ADAMTSL1: variants seen among roughly 807,000 people sequenced by gnomAD.
The protein encoded by ADAMTSL1 is ADAMTS-like protein 1.
A neutral mutation model predicts 201.8 loss-of-function variants in ADAMTSL1; 126 were observed. The ratio of observed to expected loss-of-function variants is 0.62; its 90% CI spans 0.54 to 0.72. The LOEUF (loss-of-function observed/expected upper bound fraction) is 0.72, where lower values mean the gene tolerates loss of function less well. Among genes scored for constraint, ADAMTSL1 ranks in the 30% least tolerant of loss-of-function variants. The pLI, the probability that ADAMTSL1 is intolerant of heterozygous loss-of-function variation, is 0.00. For synonymous variants in ADAMTSL1, 1,121 were observed against 903.4 expected (o/e 1.24, Z -4.32); for missense variants, 2,679 against 2,277.8 (o/e 1.18, Z -3.59).
intron 1 of ADAMTSL1, among the ~76,000 whole-genome samples, chr9:18,059,119 C>T (rs1822332884): frequency 6.6e-6 from 1 of 152,144 alleles, no homozygotes; most frequent in Non-Finnish European, 1.5e-5. Flanking sequence ...CCCAGTTTTC[C>T]ATCAAATTCT....
rs150228694 is a variant in ADAMTSL1, at chr9:18,881,899, GAGGAATAGC to G, written c.4250-5928_4250-5920del. On this transcript the variant is annotated intron_variant, in intron 23 of 28. Coordinates refer to ENST00000380548, the MANE Select transcript of ADAMTSL1 (RefSeq NM_001040272.6). Reference sequence around the variant, plus strand: ...ATCTCTACCCTATTCTCATCTGCACGAGGAATAGCAGGCTGGGAGGCCCTGGGAACAAGA... The same window carrying G: ...ATCTCTACCCTATTCTCATCTGCACGAGGCTGGGAGGCCCTGGGAACAAGA... Among the ~76,000 whole-genome samples, 5 of 152,284 alleles carry G rather than the reference GAGGAATAGC, an allele frequency of 3.3e-5. No individual in the cohort carries two copies. In the East Asian group the frequency reaches 9.6e-4, roughly 29 times the overall value.
chr9:18,280,001 G>T (rs1009052320), intron 2 of ADAMTSL1, among the ~76,000 whole-genome samples: 5 of 152,138 alleles, frequency 3.3e-5, no homozygotes, highest in Non-Finnish European at 2.9e-5. Context: ...TGTTCCATGG[G>T]GCCTGACCTG....
rs1312563951 is a variant in ADAMTSL1, at chr9:18,828,659, TTTATATATATATATATATA to T, written c.4115-1182_4115-1164del. 5.2e-4 allele frequency among the ~76,000 whole-genome samples: 9 copies of T among 17,348 alleles called. No homozygotes were observed. The East Asian group carries it at 0.024, about 47-fold the overall frequency. 11.4% of individuals were successfully genotyped at this position (17,348 alleles called of 152,430 possible). On this transcript the variant is annotated intron_variant, in intron 22 of 28. Coordinates refer to ENST00000380548, the MANE Select transcript of ADAMTSL1 (RefSeq NM_001040272.6). ...TGAAAAGGATTCTTTTGAAAGTATA[TTTATATATATATATATATA>T]TATATATATATATATAAAATGTGTG...
chr9:18,228,477 A>G (rs988080834), intron 2 of ADAMTSL1, among the ~76,000 whole-genome samples: 5 of 152,234 alleles, frequency 3.3e-5, no homozygotes, highest in African/African-American at 9.6e-5. Context: ...TTTAAGTGCA[A>G]TGGCAAGATC....
At chr9:18,073,554 C>A (rs1823058424) in intron 1 of ADAMTSL1, among the ~76,000 whole-genome samples, 1 of 152,262 alleles carries the variant, frequency 6.6e-6, no homozygotes, top group East Asian at 1.9e-4. Flanking sequence ...TGTGTATGTG[C>A]AGAAGCAACA....
chr9:18,005,241 G>A (rs957524966), intron 1 of ADAMTSL1, among the ~76,000 whole-genome samples: 2 of 152,054 alleles, frequency 1.3e-5, no homozygotes, highest in African/African-American at 4.8e-5. Context: ...CTATAGGGAA[G>A]AATGAGTGGC....
At chr9:18,790,674 G>A (rs372293160) in intron 19 of ADAMTSL1, among the ~76,000 whole-genome samples, 7 of 152,110 alleles carry the variant, frequency 4.6e-5, no homozygotes, top group Admixed American at 6.5e-5. Flanking sequence ...GCACCCTCTC[G>A]GCTGGTCCTT....
At chr9:18,396,259 T>TTC in intron 2 of ADAMTSL1, among the ~76,000 whole-genome samples, 1 of 152,132 alleles carries the variant, frequency 6.6e-6, no homozygotes, top group Non-Finnish European at 1.5e-5. Context: ...AATATGGAAG[T>TTC]AGTCAGAAGG....
At chr9:18,015,693 T>A (rs964877618) in intron 1 of ADAMTSL1, among the ~76,000 whole-genome samples, 2 of 152,026 alleles carry the variant, frequency 1.3e-5, no homozygotes, top group Non-Finnish European at 2.9e-5. Flanking sequence ...GGATATGGAC[T>A]GAGGGCTGCC....
intron 1 of ADAMTSL1, among the ~76,000 whole-genome samples, chr9:18,000,287 GATT>G (rs1819559756): frequency 1.3e-5 from 2 of 151,816 alleles, no homozygotes; most frequent in African/African-American, 4.8e-5. Context: ...ACTTTTTAAT[GATT>G]AAAAAGTCAT....
At position 18,232,965 on chromosome 9, in the gene ADAMTSL1, A is replaced by G. The variant is rs138475371; in HGVS notation, c.207+68984A>G. 5.1e-3 allele frequency among the ~76,000 whole-genome samples: 779 copies of G among 152,332 alleles called. 7 individuals carry two copies. The highest frequency in any genetic ancestry group is 0.018 in the African/African-American group (736 of 41,556). On this transcript the variant is annotated intron_variant, in intron 2 of 29. Transcript: ENST00000680146. Reference sequence around the variant, plus strand: ...AGACTAGAGGAGAATCATAACAACCAAAATTGTACAGTACTTTAGAGTTCA... The same window carrying G: ...AGACTAGAGGAGAATCATAACAACCGAAATTGTACAGTACTTTAGAGTTCA...
rs568278874 is a variant in ADAMTSL1, at chr9:18,343,788, C to T, written c.208-161041C>T. On this transcript the variant is annotated intron_variant, in intron 2 of 29. Coordinates refer to the ADAMTSL1 transcript ENST00000680146. ...GATGCATTGATCTGGCTTAGGGTCC[C>T]TGGGCATTTGTGCTTAAAGAATTCC... Among the ~76,000 whole-genome samples the T allele has an allele frequency of 3.9e-5, 6 of 152,178 alleles. 1 individual carries two copies. The highest frequency in any genetic ancestry group is 1.4e-4 in the African/African-American group (6 of 41,540).
chr9:18,452,979 T>C (rs1317681812), intron 2 of ADAMTSL1, among the ~76,000 whole-genome samples: 1 of 152,174 alleles, frequency 6.6e-6, no homozygotes, highest in Admixed American at 6.5e-5. Flanking sequence ...ATAGGCTTTG[T>C]CATAGTAGGA....
chr9:18,379,616 G>A (rs765331252), intron 2 of ADAMTSL1, among the ~76,000 whole-genome samples: 16 of 152,186 alleles, frequency 1.1e-4, no homozygotes, highest in Non-Finnish European at 1.9e-4. Flanking sequence ...TGGATAGCCT[G>A]GGAGAGGAAG....
chr9:18,102,766 T>C lies in ADAMTSL1; in HGVS notation c.88-61096T>C, dbSNP rs7021871. Among the ~76,000 whole-genome samples, 1,168 of 152,306 alleles carry C rather than the reference T, an allele frequency of 7.7e-3. 21 individuals carry two copies. The highest frequency in any genetic ancestry group is 0.026 in the African/African-American group (1,089 of 41,556). On this transcript the variant is annotated intron_variant, in intron 1 of 29. Transcript: ENST00000680146. Reference sequence around the variant, plus strand: ...TACAGAGATTAGTCTAGAAAGCTTATAGCGATGATCAAGGGATGAATGGCA... The same window carrying C: ...TACAGAGATTAGTCTAGAAAGCTTACAGCGATGATCAAGGGATGAATGGCA...
chr9:17,993,727 A>T lies in ADAMTSL1; in HGVS notation c.87+86805A>T, dbSNP rs369171552. Among the ~76,000 whole-genome samples, 148 of 152,184 alleles carry T rather than the reference A, an allele frequency of 9.7e-4. 1 individual carries two copies. The highest frequency in any genetic ancestry group is 3.3e-3 in the African/African-American group (139 of 41,536). ...AATACAGAGTATCATTTGGATGTTG[A>T]CTTTTGTTAAAGAAATTGGCTATTA... On this transcript the variant is annotated intron_variant, in intron 1 of 29. Coordinates refer to the ADAMTSL1 transcript ENST00000680146.
rs1260101673 is a variant in ADAMTSL1 at position 18,910,144 on chromosome 9, G to C, written c.*1596G>C. 6.6e-6 allele frequency: 1 copy of C among 152,086 alleles called. No homozygotes were observed. Among genetic ancestry groups the C allele is most frequent in the Non-Finnish European group, 1.5e-5 (1 of 68,032 alleles). The allele number at this position is 152,086 out of a possible 1,614,324, so 9.4% of individuals were successfully genotyped here. ...CCAGCCTGGAAGTAAAATTTGAGAG[G>C]AAGACAATATTAATCTGTGTCCCCA... On this transcript the variant is annotated 3_prime_UTR_variant, in exon 29 of 29. Transcript: ENST00000380548.
At chr9:18,100,893 A>G (rs983875013) in intron 1 of ADAMTSL1, among the ~76,000 whole-genome samples, 1 of 152,096 alleles carries the variant, frequency 6.6e-6, no homozygotes, top group African/African-American at 2.4e-5. Context: ...TTACTCTTTT[A>G]TGAGTTTCAA....
chr9:18,421,195 A>G (rs1204223636), intron 2 of ADAMTSL1, among the ~76,000 whole-genome samples: 6 of 152,170 alleles, frequency 3.9e-5, no homozygotes, highest in Admixed American at 3.3e-4. Flanking sequence ...GAAGCTTTAC[A>G]TTCTTAAATC....
Sources: allele counts gnomAD v4.1 joint callset (sites outside exome capture counted in the v4.1 genomes callset), GRCh38; gene constraint gnomAD v4.1.1; transcripts MANE v1.5; gene names NCBI Gene and HGNC (gene_info 2026-07-23, HGNC 2026-07-21).